Variants in RABGAP1L observed in about 807,000 individuals in gnomAD.
The protein encoded by RABGAP1L is RAB GTPase activating protein 1 like.
RABGAP1L carries 63 observed loss-of-function variants against 137.7 expected under a neutral mutation model. The observed-to-expected ratio is 0.46, with a 90% confidence interval of 0.37 to 0.56. The LOEUF is 0.56. Ranked by LOEUF, RABGAP1L falls within the 20% of genes least tolerant of loss-of-function variation. The probability of loss-of-function intolerance (pLI) is 0.00; values close to 1 mark genes in which losing one functional copy is unlikely to be tolerated. For synonymous variants in RABGAP1L, 431 were observed against 433.7 expected (o/e 0.99, Z 0.08); for missense variants, 1,095 against 1,244.0 (o/e 0.88, Z 1.80).
chr1:174,191,671 T>G (rs1474134381), intron 1 of RABGAP1L, among the ~76,000 whole-genome samples: 1 of 152,234 alleles, frequency 6.6e-6, no homozygotes, highest in Non-Finnish European at 1.5e-5. Flanking sequence ...TGCTTTCTTC[T>G]TGGCTTTAAC....
chr1:174,219,134 G>A lies in RABGAP1L; in HGVS notation c.-24G>A, dbSNP rs199622723. 113 of 1,567,704 alleles carry A rather than the reference G, an allele frequency of 7.2e-5. No homozygotes were observed. The highest frequency in any genetic ancestry group is 6.3e-4 in the South Asian group (51 of 81,248). On this transcript the variant is annotated 5_prime_UTR_variant, in exon 2 of 26. Transcript: ENST00000681986. ...CCTTTTGTTTTTCCAGGTGGTTGTG[G>A]GAAGAGAAGTTTGCAGAACTGAAAT...
intron 19 of RABGAP1L, among the ~76,000 whole-genome samples, chr1:174,908,308 A>C (rs777667993): frequency 5.3e-5 from 8 of 152,208 alleles, no homozygotes; most frequent in Admixed American, 1.3e-4. Flanking sequence ...GACCTACCTG[A>C]CATTTATAGT....
intron 13 of RABGAP1L, among the ~76,000 whole-genome samples, chr1:174,602,675 A>T (rs1007863348): frequency 6.6e-6 from 1 of 152,074 alleles, no homozygotes; most frequent in African/African-American, 2.4e-5. Flanking sequence ...TTTCAGATAC[A>T]TGTCTTCAAG....
intron 13 of RABGAP1L, among the ~76,000 whole-genome samples, chr1:174,528,857 T>C (rs1664147548): frequency 6.6e-6 from 1 of 151,916 alleles, no homozygotes; most frequent in African/African-American, 2.4e-5. Context: ...CATTTTATGA[T>C]GTCTCACATA....
intron 13 of RABGAP1L, among the ~76,000 whole-genome samples, chr1:174,443,475 C>A (rs1026741542): frequency 2.0e-5 from 3 of 152,036 alleles, no homozygotes; most frequent in Admixed American, 6.6e-5. Context: ...TTGCCAGAGG[C>A]AAAATGAGTA....
chr1:174,303,589 G>C (rs1014723509), intron 10 of RABGAP1L, among the ~76,000 whole-genome samples: 1 of 152,034 alleles, frequency 6.6e-6, no homozygotes, highest in Non-Finnish European at 1.5e-5. Context: ...TATGAACCAG[G>C]CAATTTTCTT....
At chr1:174,222,162 G>C (rs562315501) in intron 3 of RABGAP1L, among the ~76,000 whole-genome samples, 1 of 152,126 alleles carries the variant, frequency 6.6e-6, no homozygotes, top group South Asian at 2.1e-4. Context: ...TAAAAGTTCT[G>C]AGTTTTACTC....
chr1:174,469,983 C>G (rs1033590640), intron 13 of RABGAP1L, among the ~76,000 whole-genome samples: 3 of 152,022 alleles, frequency 2.0e-5, no homozygotes, highest in African/African-American at 7.2e-5. Context: ...TTCAGGTCTA[C>G]AAGAGCAGAG....
At chr1:174,260,542 G>T (rs1341821589) in intron 7 of RABGAP1L, among the ~76,000 whole-genome samples, 2 of 152,108 alleles carry the variant, frequency 1.3e-5, no homozygotes, top group Non-Finnish European at 2.9e-5. Flanking sequence ...TACTTATTGA[G>T]GGTCTCCAGC....
intron 11 of RABGAP1L, among the ~76,000 whole-genome samples, chr1:174,349,322 C>A (rs1682806246): frequency 1.6e-5 from 2 of 124,668 alleles, no homozygotes; most frequent in South Asian, 2.6e-4. Flanking sequence ...AGGCGCCCCT[C>A]ACCTCCCGGA....
At chr1:174,332,384 A>ATTTCTTTC (rs529363519) in intron 11 of RABGAP1L, among the ~76,000 whole-genome samples, 7 of 79,498 alleles carry the variant, frequency 8.8e-5, no homozygotes, top group African/African-American at 4.5e-4. Flanking sequence ...CTAAATTTTT[A>ATTTCTTTC]TTTATTTATT....
rs1662754157 is a variant in RABGAP1L at position 174,925,894 on chromosome 1, T to TGG, written c.2341-31563_2341-31562insGG. Among the ~76,000 whole-genome samples the TGG allele has an allele frequency of 2.7e-5, 4 of 146,342 alleles. No homozygotes were observed. The South Asian group carries it at 8.7e-4, about 32-fold the overall frequency. On this transcript the variant is annotated intron_variant, in intron 19 of 25. Coordinates refer to ENST00000681986, the MANE Select transcript of RABGAP1L (RefSeq NM_001366446.1). ...TGTTTTTGTTTTTTTTTTGTGTTTT[T>TGG]TTTTTTTTTTTTGATACCAGGCTGC...
intron 17 of RABGAP1L, among the ~76,000 whole-genome samples, chr1:174,736,155 A>G (rs1682927013): frequency 6.6e-6 from 1 of 152,330 alleles, no homozygotes; most frequent in South Asian, 2.1e-4. Flanking sequence ...TCTGGAGATG[A>G]GATCCTTCTA....
chr1:174,612,669 G>A (rs993251119), intron 13 of RABGAP1L, among the ~76,000 whole-genome samples: 1 of 152,170 alleles, frequency 6.6e-6, no homozygotes, highest in East Asian at 1.9e-4. Flanking sequence ...GAATTCGGCT[G>A]TGAATCCATC....
At chr1:174,937,733 A>G (rs368102626) in intron 19 of RABGAP1L, among the ~76,000 whole-genome samples, 1 of 324 alleles carries the variant, frequency 3.1e-3, no homozygotes, top group Admixed American at 0.05. Flanking sequence ...GTCTTGCTTT[A>G]TCACCCAGGC....
At chr1:174,421,201 G>T (rs753307721) in intron 13 of RABGAP1L, among the ~76,000 whole-genome samples, 22 of 152,126 alleles carry the variant, frequency 1.4e-4, no homozygotes, top group Admixed American at 2.6e-4. Flanking sequence ...TTGAAGGGTA[G>T]TCCACTATAT....
chr1:174,743,451 G>C (rs184932082), intron 17 of RABGAP1L, among the ~76,000 whole-genome samples: 2 of 152,184 alleles, frequency 1.3e-5, no homozygotes, highest in Non-Finnish European at 2.9e-5. Flanking sequence ...TATTGGGTCA[G>C]TTTGAAACAC....
At chr1:174,205,942 G>C (rs1249509971) in intron 1 of RABGAP1L, among the ~76,000 whole-genome samples, 1 of 152,180 alleles carries the variant, frequency 6.6e-6, no homozygotes, top group African/African-American at 2.4e-5. Flanking sequence ...GACTGAGGAT[G>C]GGGACAATTG....
At chr1:174,391,546 G>T (rs1033989546) in intron 12 of RABGAP1L, among the ~76,000 whole-genome samples, 1 of 152,056 alleles carries the variant, frequency 6.6e-6, no homozygotes, top group African/African-American at 2.4e-5. Flanking sequence ...GTCTGGAACT[G>T]GTCTGGAACT....
Sources: gnomAD v4.1 joint callset for allele counts (sites outside exome capture counted in the v4.1 genomes callset) on GRCh38, gnomAD v4.1.1 for gene constraint, MANE v1.5 for transcripts, NCBI Gene and HGNC (gene_info 2026-07-23, HGNC 2026-07-21) for gene names.